PICALM: variants seen among roughly 807,000 people sequenced by gnomAD.
The protein encoded by PICALM is phosphatidylinositol binding clathrin assembly protein.
A neutral mutation model predicts 80.5 loss-of-function variants in PICALM; 40 were observed. The ratio of observed to expected loss-of-function variants is 0.50; its 90% CI spans 0.39 to 0.65. PICALM has a LOEUF of 0.65. Among genes scored for constraint, PICALM ranks in the 30% least tolerant of loss-of-function variants. PICALM has a pLI of 0.00. For synonymous variants in PICALM, 288 were observed against 260.3 expected (o/e 1.11, Z -1.02); for missense variants, 676 against 778.9 (o/e 0.87, Z 1.57).
chr11:85,998,593 G>C (rs774916153), intron 11 of PICALM, among the ~76,000 whole-genome samples: 5 of 151,902 alleles, frequency 3.3e-5, no homozygotes, highest in Non-Finnish European at 7.4e-5. Context: ...AAAAGTTCAA[G>C]ATCAGCTTGG....
At chr11:86,049,128 A>C (rs2096131114) in intron 1 of PICALM, among the ~76,000 whole-genome samples, 1 of 152,112 alleles carries the variant, frequency 6.6e-6, no homozygotes, top group African/African-American at 2.4e-5. Flanking sequence ...GCCCGTCTCT[A>C]CTAAAAATAC....
intron 1 of PICALM, among the ~76,000 whole-genome samples, chr11:86,037,857 T>TAAA (rs2095870603): frequency 1.3e-5 from 2 of 152,222 alleles, no homozygotes; most frequent in African/African-American, 4.8e-5. Context: ...TATAACACTG[T>TAAA]TACTTCCATA....
At chr11:85,964,816 TAC>T (rs2093819844) in intron 19 of PICALM, among the ~76,000 whole-genome samples, 1 of 152,244 alleles carries the variant, frequency 6.6e-6, no homozygotes, top group African/African-American at 2.4e-5. Flanking sequence ...AGCAGTCAAT[TAC>T]ACATTGTAAG....
At chr11:86,019,889 A>G (rs2095537442) in intron 4 of PICALM, among the ~76,000 whole-genome samples, 1 of 152,200 alleles carries the variant, frequency 6.6e-6, no homozygotes. Context: ...GACCTTTGGG[A>G]TCACTGAGCA....
intron 4 of PICALM, among the ~76,000 whole-genome samples, chr11:86,017,222 CAAAA>C (rs11326179): frequency 2.9e-5 from 4 of 137,008 alleles, no homozygotes; most frequent in Non-Finnish European, 6.3e-5. Flanking sequence ...GACTCTGTCT[CAAAA>C]AAAAAAAAAA....
At chr11:86,008,302 G>A (rs1484859211) in intron 7 of PICALM, among the ~76,000 whole-genome samples, 1 of 152,120 alleles carries the variant, frequency 6.6e-6, no homozygotes, top group African/African-American at 2.4e-5. Context: ...CCTCTCAGGG[G>A]CTGGTCTCAG....
intron 1 of PICALM, among the ~76,000 whole-genome samples, chr11:86,036,893 C>T (rs570027036): frequency 5.5e-5 from 8 of 146,558 alleles, no homozygotes; most frequent in African/African-American, 7.7e-5. Context: ...CTTGAGGTCA[C>T]GAGTTTGAGA....
intron 16 of PICALM, among the ~76,000 whole-genome samples, chr11:85,981,435 G>A (rs1223353494): frequency 6.6e-6 from 1 of 151,950 alleles, no homozygotes; most frequent in African/African-American, 2.4e-5. Flanking sequence ...GCGAAACCCC[G>A]TCTCTACTAA....
chr11:85,985,733 C>G (rs1158827980), intron 13 of PICALM, among the ~76,000 whole-genome samples: 1 of 152,154 alleles, frequency 6.6e-6, no homozygotes, highest in Admixed American at 6.5e-5. Context: ...AATTATGTGT[C>G]CATGCTATCA....
chr11:86,042,401 A>G (rs1472376622), intron 1 of PICALM, among the ~76,000 whole-genome samples: 3 of 152,148 alleles, frequency 2.0e-5, no homozygotes, highest in African/African-American at 7.2e-5. Context: ...AGAATTAAAA[A>G]TTTTATTTAA....
In PICALM at chr11:86,012,227, G is replaced by C. The variant is rs866467612; in HGVS notation, c.658+54C>G. ...TTTAAGTAACAACTCAGTCAATATT[G>C]TTTATCCATATGACACAAGATAAGA... On this transcript the variant is annotated intron_variant, in intron 6 of 19. Transcript: ENST00000393346. 1.1e-4 allele frequency: 102 copies of C among 943,336 alleles called. 1 individual carries two copies. In the Middle Eastern group the frequency reaches 2.6e-3, roughly 24 times the overall value. 58.4% of individuals were successfully genotyped at this position (943,336 alleles called of 1,614,324 possible). A position where few individuals can be genotyped will look rare whatever the true frequency, so the allele number is the denominator to read the frequency against.
At position 85,986,578 on chromosome 11, in the gene PICALM, G is replaced by A. The variant is rs370008780; in HGVS notation, c.1409-2605C>T. Among the ~76,000 whole-genome samples the A allele has an allele frequency of 8.6e-5, 13 of 151,044 alleles. No individual in the cohort carries two copies. The East Asian group carries it at 2.1e-3, about 25-fold the overall frequency. On this transcript the variant is annotated intron_variant, in intron 13 of 19. Transcript: ENST00000393346. ...GCTAATTTTTTGTATTTTTAGTAGAGACGGGGTTTCACCTTGTTAGCCAGG... is the reference window on the plus strand; with the variant it reads ...GCTAATTTTTTGTATTTTTAGTAGAAACGGGGTTTCACCTTGTTAGCCAGG...
At chr11:86,006,465 T>C (rs181573083) in intron 8 of PICALM, among the ~76,000 whole-genome samples, 1 of 152,176 alleles carries the variant, frequency 6.6e-6, no homozygotes, top group Non-Finnish European at 1.5e-5. Flanking sequence ...CTGGCTAATA[T>C]GGAAAACCCC....
At chr11:85,965,072 CA>C (rs1185040881) in intron 19 of PICALM, among the ~76,000 whole-genome samples, 1 of 152,134 alleles carries the variant, frequency 6.6e-6, no homozygotes, top group African/African-American at 2.4e-5. Context: ...TTGTTCCCTA[CA>C]AAACTCTTGT....
chr11:86,058,912 C>T (rs1365286963), intron 1 of PICALM, among the ~76,000 whole-genome samples: 1 of 152,140 alleles, frequency 6.6e-6, no homozygotes, highest in Non-Finnish European at 1.5e-5. Flanking sequence ...TTCCTAATTT[C>T]AAGAATATGT....
At chr11:86,055,766 C>T (rs2096259080) in intron 1 of PICALM, among the ~76,000 whole-genome samples, 1 of 152,116 alleles carries the variant, frequency 6.6e-6, no homozygotes, top group African/African-American at 2.4e-5. Flanking sequence ...CTTCCTAAAA[C>T]TCTTAGAGTT....
At chr11:86,053,262 C>T (rs1214176676) in intron 1 of PICALM, among the ~76,000 whole-genome samples, 1 of 152,212 alleles carries the variant, frequency 6.6e-6, no homozygotes, top group Non-Finnish European at 1.5e-5. Flanking sequence ...ATTCTTGTAA[C>T]GAGGCTAAGC....
chr11:85,957,227 T>C lies in PICALM; in HGVS notation c.*1819A>G, dbSNP rs2093562498. ...GAAACTTAAAAGCTGATAAAATTTA[T>C]TGGCTACGACTACATTTTTTCTCCA... On this transcript the variant is annotated 3_prime_UTR_variant, in exon 20 of 20. Coordinates refer to ENST00000393346, the MANE Select transcript of PICALM (RefSeq NM_007166.4). Among the ~76,000 whole-genome samples, 1 of 152,242 alleles carries C rather than the reference T, an allele frequency of 6.6e-6. No homozygotes were observed. Among genetic ancestry groups the C allele is most frequent in the Non-Finnish European group, 1.5e-5 (1 of 68,036 alleles).
intron 3 of PICALM, chr11:86,023,647 T>A (rs1452608468): frequency 1.5e-5 from 12 of 786,572 alleles, no homozygotes; most frequent in Non-Finnish European, 1.9e-5. Context: ...AAAACCTACT[T>A]GGATATATGC....
Sources: allele counts gnomAD v4.1 joint callset (sites outside exome capture counted in the v4.1 genomes callset), GRCh38; gene constraint gnomAD v4.1.1; transcripts MANE v1.5; gene names NCBI Gene and HGNC (gene_info 2026-07-23, HGNC 2026-07-21).